Variants in RBFOX1 observed in about 807,000 individuals in gnomAD.
RBFOX1 encodes the protein RNA binding protein fox-1 homolog 1.
A neutral mutation model predicts 57.7 loss-of-function variants in RBFOX1; 8 were observed. The observed-to-expected ratio is 0.14, with a 90% CI of 0.08 to 0.25. The LOEUF is 0.25. RBFOX1 is among the 10% of genes least tolerant of loss of function. The pLI is 1.00. For synonymous variants in RBFOX1, 326 were observed against 222.4 expected (o/e 1.47, Z -4.15); for missense variants, 611 against 548.5 (o/e 1.11, Z -1.14).
intron 4 of RBFOX1, among the ~76,000 whole-genome samples, chr16:7,398,065 G>C (rs984661989): frequency 6.6e-6 from 1 of 152,036 alleles, no homozygotes; most frequent in Non-Finnish European, 1.5e-5. Context: ...ACCTCCCCCA[G>C]TTGCTCTATT....
intron 9 of RBFOX1, among the ~76,000 whole-genome samples, chr16:7,601,315 T>G (rs1400426064): frequency 6.6e-6 from 1 of 152,166 alleles, no homozygotes; most frequent in Non-Finnish European, 1.5e-5. Flanking sequence ...GTGATAATTA[T>G]GAGAGAAAGT....
chr16:5,468,225 A>G (rs1166897138), intron 2 of RBFOX1, among the ~76,000 whole-genome samples: 1 of 152,200 alleles, frequency 6.6e-6, no homozygotes, highest in Non-Finnish European at 1.5e-5. Context: ...GCCATTTTCA[A>G]ATGAACAATT....
At chr16:6,157,787 T>C (rs2096848972) in intron 1 of RBFOX1, among the ~76,000 whole-genome samples, 1 of 152,226 alleles carries the variant, frequency 6.6e-6, no homozygotes, top group African/African-American at 2.4e-5. Context: ...CTCTCTGTTA[T>C]ATTTCTTGCC....
At chr16:6,967,437 C>T (rs1020117303) in intron 3 of RBFOX1, among the ~76,000 whole-genome samples, 4 of 152,124 alleles carry the variant, frequency 2.6e-5, no homozygotes, top group Admixed American at 6.6e-5. Flanking sequence ...AAAGTAATGA[C>T]ATTTGGAGCT....
intron 4 of RBFOX1, among the ~76,000 whole-genome samples, chr16:7,446,586 G>C (rs1023235507): frequency 1.3e-5 from 2 of 152,004 alleles, no homozygotes; most frequent in African/African-American, 4.8e-5. Flanking sequence ...AGGATGACTA[G>C]TGTCCTATAG....
intron 2 of RBFOX1, among the ~76,000 whole-genome samples, chr16:5,551,398 C>T (rs2045458708): frequency 1.3e-5 from 2 of 152,228 alleles, no homozygotes; most frequent in African/African-American, 4.8e-5. Flanking sequence ...ACAGCCAGAG[C>T]TGCTAGTATA....
intron 2 of RBFOX1, among the ~76,000 whole-genome samples, chr16:5,540,984 G>A (rs1256653173): frequency 1.3e-5 from 2 of 152,032 alleles, no homozygotes; most frequent in Non-Finnish European, 2.9e-5. Flanking sequence ...TGAGTAGCTG[G>A]GACTACAAAC....
At chr16:7,103,684 A>T (rs755688520) in intron 4 of RBFOX1, among the ~76,000 whole-genome samples, 18 of 152,186 alleles carry the variant, frequency 1.2e-4, no homozygotes, top group Non-Finnish European at 2.5e-4. Flanking sequence ...AAAATGACTT[A>T]AAGAAACGTA....
At chr16:7,384,413 C>G (rs748892131) in intron 4 of RBFOX1, among the ~76,000 whole-genome samples, 4 of 152,082 alleles carry the variant, frequency 2.6e-5, no homozygotes, top group Admixed American at 6.6e-5. Flanking sequence ...CATGGCTCTC[C>G]TGGTATTTTG....
chr16:6,217,677 C>T (rs1347936467), intron 1 of RBFOX1, among the ~76,000 whole-genome samples: 1 of 152,176 alleles, frequency 6.6e-6, no homozygotes, highest in Admixed American at 6.5e-5. Context: ...TCTCACTGTG[C>T]TTCAGTATCG....
At chr16:7,364,916 T>C (rs2097408995) in intron 4 of RBFOX1, among the ~76,000 whole-genome samples, 1 of 152,246 alleles carries the variant, frequency 6.6e-6, no homozygotes, top group South Asian at 2.1e-4. Context: ...TGGATACTAG[T>C]GAATGTGTCA....
intron 11 of RBFOX1, among the ~76,000 whole-genome samples, chr16:7,634,648 C>T (rs1214465315): frequency 1.3e-5 from 2 of 152,158 alleles, no homozygotes; most frequent in South Asian, 2.1e-4. Context: ...AAGATTTTCA[C>T]TGATAACTTT....
intron 3 of RBFOX1, among the ~76,000 whole-genome samples, chr16:5,766,826 C>G (rs1567513870): frequency 6.6e-6 from 1 of 152,196 alleles, no homozygotes. Flanking sequence ...TGCTCTCTAT[C>G]CCTCCCCACC....
chr16:7,656,190 C>T (rs1038112849), intron 12 of RBFOX1, among the ~76,000 whole-genome samples: 4 of 152,156 alleles, frequency 2.6e-5, no homozygotes, highest in African/African-American at 9.7e-5. Context: ...AGATTGCAAG[C>T]ATTCATGTCT....
intron 3 of RBFOX1, among the ~76,000 whole-genome samples, chr16:6,940,476 T>C (rs556110645): frequency 6.6e-6 from 1 of 152,362 alleles, no homozygotes; most frequent in Admixed American, 6.5e-5. Flanking sequence ...ATGACAATGA[T>C]AATTTAGGTA....
At chr16:6,514,832 C>A (rs1261768160) in intron 2 of RBFOX1, among the ~76,000 whole-genome samples, 1 of 151,622 alleles carries the variant, frequency 6.6e-6, no homozygotes, top group Non-Finnish European at 1.5e-5. Context: ...ATCCGCCCTC[C>A]CTTGTAGTCA....
chr16:6,640,831 G>T (rs1468063106), intron 2 of RBFOX1, among the ~76,000 whole-genome samples: 3 of 152,016 alleles, frequency 2.0e-5, no homozygotes, highest in Non-Finnish European at 2.9e-5. Context: ...ACTAGTCCCT[G>T]TCATGTTCTA....
intron 4 of RBFOX1, among the ~76,000 whole-genome samples, chr16:7,128,818 C>CT (rs759893956): frequency 0.11 from 13,648 of 126,724 alleles, 770 homozygotes; most frequent in Middle Eastern, 0.13. Context: ...TTTCTTTTTA[C>CT]TTTTTTTTTT....
chr16:7,074,376 GATA>G (rs754210201), intron 4 of RBFOX1, among the ~76,000 whole-genome samples: 9 of 152,146 alleles, frequency 5.9e-5, no homozygotes, highest in South Asian at 4.1e-4. Context: ...CCATTAAAAT[GATA>G]ATAATTAAAA....
Sources: gnomAD v4.1 joint callset for allele counts (sites outside exome capture counted in the v4.1 genomes callset) on GRCh38, gnomAD v4.1.1 for gene constraint, MANE v1.5 for transcripts, NCBI Gene and HGNC (gene_info 2026-07-23, HGNC 2026-07-21) for gene names.